The following SDK1 variants were observed in gnomAD, a reference collection of about 807,000 sequenced individuals.
The protein encoded by SDK1 is protein sidekick-1.
SDK1 carries 157 observed loss-of-function variants against 245.5 expected under a neutral mutation model. The ratio of observed to expected loss-of-function variants is 0.64; its 90% CI spans 0.56 to 0.73. SDK1 has a LOEUF of 0.73. SDK1 is among the 30% of genes least tolerant of loss of function. SDK1 has a pLI of 0.00. For missense variants in SDK1, 3,583 were observed against 3,002.3 expected (o/e 1.19, Z -4.52); for synonymous variants, 1,647 against 1,278.5 (o/e 1.29, Z -6.15).
chr7:3,549,814 G>T (rs1779342362), intron 1 of SDK1, among the ~76,000 whole-genome samples: 1 of 151,834 alleles, frequency 6.6e-6, no homozygotes, highest in South Asian at 2.1e-4. Context: ...ACCAGCTAAT[G>T]TGTTAACAGA....
At chr7:3,805,833 G>A (rs1779227295) in intron 4 of SDK1, among the ~76,000 whole-genome samples, 1 of 152,154 alleles carries the variant, frequency 6.6e-6, no homozygotes, top group Admixed American at 6.5e-5. Context: ...ATCTGTCAAA[G>A]AATGACCAAA....
At chr7:4,184,378 T>C (rs1214745440) in intron 35 of SDK1, among the ~76,000 whole-genome samples, 1 of 152,176 alleles carries the variant, frequency 6.6e-6, no homozygotes, top group Non-Finnish European at 1.5e-5. Context: ...GACCTTGTGC[T>C]GCTGTGGGGA....
intron 1 of SDK1, among the ~76,000 whole-genome samples, chr7:3,313,093 A>G (rs1045105821): frequency 1.3e-5 from 2 of 152,210 alleles, no homozygotes; most frequent in African/African-American, 4.8e-5. Context: ...CCATGTCCAT[A>G]TAAAGTATTA....
At chr7:3,431,673 G>C (rs1268471433) in intron 1 of SDK1, among the ~76,000 whole-genome samples, 1 of 152,116 alleles carries the variant, frequency 6.6e-6, no homozygotes, top group Non-Finnish European at 1.5e-5. Flanking sequence ...TAGCCTGGTG[G>C]ACTAAGGGAG....
chr7:3,715,150 C>T (rs1252343150), intron 4 of SDK1, among the ~76,000 whole-genome samples: 1 of 152,012 alleles, frequency 6.6e-6, no homozygotes, highest in Non-Finnish European at 1.5e-5. Context: ...ATATAATTAG[C>T]TTATTTAGTG....
intron 1 of SDK1, among the ~76,000 whole-genome samples, chr7:3,533,652 T>G (rs1188786045): frequency 6.6e-6 from 1 of 152,208 alleles, no homozygotes; most frequent in Non-Finnish European, 1.5e-5. Context: ...TATTATTTCT[T>G]TGATAACTTT....
At chr7:4,051,545 A>G (rs1789478960) in intron 18 of SDK1, 93 bp from the exon 19 acceptor site, 6 of 1,141,720 alleles carry the variant, frequency 5.3e-6, no homozygotes, top group South Asian at 4.5e-5. Flanking sequence ...ATGACTTTAC[A>G]TTTTAAAAGA....
At chr7:4,178,142 T>G (rs896777758) in intron 34 of SDK1, among the ~76,000 whole-genome samples, 1 of 152,226 alleles carries the variant, frequency 6.6e-6, no homozygotes, top group African/African-American at 2.4e-5. Context: ...ACTCACCTCC[T>G]GCTTTGCGAC....
chr7:3,741,589 GTGCTTTT>G (rs1779476016), intron 4 of SDK1, among the ~76,000 whole-genome samples: 1 of 152,116 alleles, frequency 6.6e-6, no homozygotes, highest in Non-Finnish European at 1.5e-5. Flanking sequence ...CTACAGATTT[GTGCTTTT>G]TGAACTCAGC....
intron 5 of SDK1, among the ~76,000 whole-genome samples, chr7:3,835,245 C>T (rs556423876): frequency 1.8e-4 from 28 of 152,160 alleles, no homozygotes; most frequent in African/African-American, 6.0e-4. Context: ...GTAAGGTGCC[C>T]GAAGATAGAA....
At chr7:3,895,340 A>G (rs1015816065) in intron 5 of SDK1, among the ~76,000 whole-genome samples, 1 of 152,198 alleles carries the variant, frequency 6.6e-6, no homozygotes, top group Non-Finnish European at 1.5e-5. Flanking sequence ...TGGCTGCCTC[A>G]GGGCCCATTC....
chr7:3,818,762 G>A (rs1161088348), intron 4 of SDK1, among the ~76,000 whole-genome samples: 4 of 152,184 alleles, frequency 2.6e-5, no homozygotes, highest in Non-Finnish European at 5.9e-5. Context: ...GGACCCAAGT[G>A]CTTTCCGTTC....
At chr7:3,581,695 A>G (rs1019976991) in intron 1 of SDK1, among the ~76,000 whole-genome samples, 3 of 152,242 alleles carry the variant, frequency 2.0e-5, no homozygotes, top group Admixed American at 1.3e-4. Flanking sequence ...ACACATATAC[A>G]TGGATATTCA....
At chr7:3,406,235 G>A (rs1425710886) in intron 1 of SDK1, among the ~76,000 whole-genome samples, 1 of 152,100 alleles carries the variant, frequency 6.6e-6, no homozygotes, top group African/African-American at 2.4e-5. Context: ...TCTCTGATCC[G>A]CCCTTGGCAT....
chr7:3,609,693 C>A (rs1237761956), intron 1 of SDK1, among the ~76,000 whole-genome samples: 1 of 150,900 alleles, frequency 6.6e-6, no homozygotes, highest in East Asian at 2.0e-4. Context: ...AGCTACGGTG[C>A]CCAGCCTCCC....
chr7:3,619,035 C>A (rs777121758), intron 1 of SDK1, 45 bp from the exon 2 acceptor site: 2 of 1,444,686 alleles, frequency 1.4e-6, no homozygotes, highest in East Asian at 2.5e-5. Context: ...GTGCCACTTT[C>A]ATGCGTACTT....
intron 4 of SDK1, among the ~76,000 whole-genome samples, chr7:3,739,793 C>G (rs137921528): frequency 5.9e-5 from 9 of 152,106 alleles, no homozygotes; most frequent in African/African-American, 2.2e-4. Context: ...TTTTTTCCCC[C>G]GTGTATGCTC....
intron 4 of SDK1, among the ~76,000 whole-genome samples, chr7:3,755,975 C>T (rs555838907): frequency 9.9e-5 from 15 of 151,932 alleles, no homozygotes; most frequent in African/African-American, 3.1e-4. Context: ...TGGCATAGCA[C>T]GTGTGACACA....
At chr7:3,459,883 GGTAT>G (rs1194017829) in intron 1 of SDK1, among the ~76,000 whole-genome samples, 1 of 152,158 alleles carries the variant, frequency 6.6e-6, no homozygotes, top group African/African-American at 2.4e-5. Context: ...GGTAAGAGAA[GGTAT>G]CTCTCGTGTT....
Sources: allele counts gnomAD v4.1 joint callset (sites outside exome capture counted in the v4.1 genomes callset), GRCh38; gene constraint gnomAD v4.1.1; transcripts MANE v1.5; gene names NCBI Gene and HGNC (gene_info 2026-07-23, HGNC 2026-07-21).